Variants in PPP3CB observed in about 807,000 individuals in gnomAD.
PPP3CB encodes protein phosphatase 3 catalytic subunit beta, also known as serine/threonine-protein phosphatase 2B catalytic subunit beta isoform.
PPP3CB carries 8 observed loss-of-function variants against 66.4 expected under a neutral mutation model. That is an observed-to-expected ratio of 0.12 (90% CI 0.07 to 0.22). The LOEUF (loss-of-function observed/expected upper bound fraction) is 0.22. Ranked by LOEUF, PPP3CB falls within the 10% of genes least tolerant of loss-of-function variation. The pLI, the probability that PPP3CB is intolerant of heterozygous loss-of-function variation, is 1.00. For missense variants in PPP3CB, 319 were observed against 642.5 expected (o/e 0.50, Z 5.44); for synonymous variants, 208 against 221.2 (o/e 0.94, Z 0.53).
At chr10:73,471,299 A>G in intron 5 of PPP3CB, 90 bp from the exon 6 acceptor site, 2 of 1,388,068 alleles carry the variant, frequency 1.4e-6, no homozygotes, top group East Asian at 2.3e-5. Context: ...CTTTGAATAC[A>G]GTTCATACTA....
At chr10:73,485,417 A>G (rs2056955261) in intron 1 of PPP3CB, among the ~76,000 whole-genome samples, 1 of 152,190 alleles carries the variant, frequency 6.6e-6, no homozygotes, top group African/African-American at 2.4e-5. Flanking sequence ...CCTGTTCCCC[A>G]ATTCTAAGCA....
intron 10 of PPP3CB, among the ~76,000 whole-genome samples, chr10:73,452,263 T>G (rs1389938679): frequency 1.6e-4 from 25 of 152,166 alleles, no homozygotes. Flanking sequence ...GTCACTTCTT[T>G]GAACATGAGA....
At chr10:73,455,541 G>A (rs1345721902) in intron 9 of PPP3CB, among the ~76,000 whole-genome samples, 1 of 152,070 alleles carries the variant, frequency 6.6e-6, no homozygotes, top group Non-Finnish European at 1.5e-5. Flanking sequence ...CTCTCCTTCA[G>A]GCTCTAGATG....
intron 12 of PPP3CB, among the ~76,000 whole-genome samples, chr10:73,443,282 A>C (rs199827384): frequency 0.044 from 4,896 of 112,168 alleles, 205 homozygotes; most frequent in African/African-American, 0.12. Context: ...GAAAGAAAGA[A>C]AGACAGAAAG....
At chr10:73,488,034 A>C (rs1468264210) in intron 1 of PPP3CB, among the ~76,000 whole-genome samples, 1 of 150,460 alleles carries the variant, frequency 6.6e-6, no homozygotes, top group African/African-American at 2.4e-5. Flanking sequence ...GCCCGCCTCC[A>C]CCTCCCAAAG....
chr10:73,487,744 G>T (rs891498651), intron 1 of PPP3CB, among the ~76,000 whole-genome samples: 1 of 151,356 alleles, frequency 6.6e-6, no homozygotes, highest in African/African-American at 2.4e-5. Context: ...AATCCTACAT[G>T]ATTCCCAGGG....
intron 9 of PPP3CB, among the ~76,000 whole-genome samples, chr10:73,465,513 G>C (rs2056604991): frequency 6.6e-6 from 1 of 152,130 alleles, no homozygotes; most frequent in Non-Finnish European, 1.5e-5. Context: ...TGTGGGCTAT[G>C]ATGGCACCAC....
At chr10:73,487,284 A>C (rs371217487) in intron 1 of PPP3CB, among the ~76,000 whole-genome samples, 4 of 152,134 alleles carry the variant, frequency 2.6e-5, no homozygotes, top group African/African-American at 9.7e-5. Flanking sequence ...GCAGTGGCTC[A>C]TGCCTGTAAT....
Position 73,470,790 on chromosome 10 carries a change from C to CA in PPP3CB, c.888-10dup. 6.3e-7 allele frequency: 1 copy of CA among 1,593,450 alleles called. No homozygotes were observed. The highest frequency in any genetic ancestry group is 1.1e-5 in the South Asian group (1 of 88,832). ...TTCTGTACATTCTATAGCTGCAAAA[C>CA]AAATAGCTTAATATGCATCGTAAAG... On this transcript the variant is annotated splice_polypyrimidine_tract_variant and intron_variant, in intron 7 of 13. Coordinates refer to ENST00000360663, the MANE Select transcript of PPP3CB (RefSeq NM_021132.4).
chr10:73,469,477 T>G (rs753178692), intron 8 of PPP3CB, among the ~76,000 whole-genome samples: 2 of 152,090 alleles, frequency 1.3e-5, no homozygotes, highest in African/African-American at 2.4e-5. Context: ...AGGATGCAGA[T>G]GTAGCAGTCG....
chr10:73,479,923 A>G (rs1396315291), intron 1 of PPP3CB, among the ~76,000 whole-genome samples: 1 of 152,164 alleles, frequency 6.6e-6, no homozygotes, highest in Non-Finnish European at 1.5e-5. Flanking sequence ...ACTACTTCGT[A>G]GGCTGGGGCA....
intron 3 of PPP3CB, among the ~76,000 whole-genome samples, chr10:73,475,333 C>T (rs2056769424): frequency 6.6e-6 from 1 of 152,194 alleles, no homozygotes; most frequent in African/African-American, 2.4e-5. Flanking sequence ...AATTAGCACA[C>T]TGGTCTACAG....
chr10:73,481,947 A>C (rs113417987), intron 1 of PPP3CB, among the ~76,000 whole-genome samples: 2 of 152,140 alleles, frequency 1.3e-5, no homozygotes, highest in African/African-American at 2.4e-5. Context: ...GCATGTCAAG[A>C]TTCTAATAAA....
In PPP3CB at chr10:73,462,284, A is replaced by G. The variant is rs1410555944; in HGVS notation, c.1108+5269T>C. On this transcript the variant is annotated intron_variant, in intron 9 of 13. Transcript: ENST00000360663. ...AGCAATCCTTTCACCTTAGCCTCCC[A>G]AAGTGCTGGGATTACAGGCATGTGC... Among the ~76,000 whole-genome samples, 3 of 151,418 alleles carry G rather than the reference A, an allele frequency of 2.0e-5. No individual in the cohort carries two copies. The East Asian group carries it at 5.8e-4, about 29-fold the overall frequency.
intron 1 of PPP3CB, among the ~76,000 whole-genome samples, chr10:73,486,382 C>T (rs144023719): frequency 0.047 from 6,831 of 143,992 alleles, 482 homozygotes; most frequent in African/African-American, 0.16. Flanking sequence ...CTCAGCTCAC[C>T]GCAACGTCTG....
Position 73,491,022 on chromosome 10 carries a change from G to GTT in PPP3CB, c.85+4781_85+4782dup, listed in dbSNP as rs528238766. 2.9e-3 allele frequency among the ~76,000 whole-genome samples: 120 copies of GTT among 40,908 alleles called. 16 individuals are homozygous for GTT. Among genetic ancestry groups the GTT allele is most frequent in the South Asian group, 6.1e-3 (4 of 660 alleles). 26.8% of individuals were successfully genotyped at this position (40,908 alleles called of 152,430 possible). ...TAATTTTTGTTTGTTTGTTTTTATT[G>GTT]TTTTTTTTTTTTTTTTTTTTTTTTT... On this transcript the variant is annotated intron_variant, in intron 1 of 13. Coordinates refer to ENST00000360663, the MANE Select transcript of PPP3CB (RefSeq NM_021132.4).
chr10:73,468,363 C>T (rs1038006385), intron 8 of PPP3CB, among the ~76,000 whole-genome samples: 3 of 152,040 alleles, frequency 2.0e-5, no homozygotes, highest in African/African-American at 7.2e-5. Context: ...TAATTAAAAT[C>T]TTAAATGACC....
At chr10:73,480,089 AC>A (rs2056849541) in intron 1 of PPP3CB, among the ~76,000 whole-genome samples, 1 of 152,238 alleles carries the variant, frequency 6.6e-6, no homozygotes, top group Non-Finnish European at 1.5e-5. Flanking sequence ...TCTAATAAGA[AC>A]ATAAAAACAA....
intron 9 of PPP3CB, among the ~76,000 whole-genome samples, chr10:73,457,737 C>CAAAAAAAA (rs200840556): frequency 4.6e-5 from 4 of 87,822 alleles, no homozygotes; most frequent in Non-Finnish European, 5.0e-5. Context: ...GACCCTGTCT[C>CAAAAAAAA]AAAAAAAAAA....
Sources: gnomAD v4.1 joint callset for allele counts (sites outside exome capture counted in the v4.1 genomes callset) on GRCh38, gnomAD v4.1.1 for gene constraint, MANE v1.5 for transcripts, NCBI Gene and HGNC (gene_info 2026-07-23, HGNC 2026-07-21) for gene names.